ACVR1B: variants seen among roughly 807,000 people sequenced by gnomAD.
ACVR1B encodes the protein activin receptor type-1B.
A neutral mutation model predicts 55.6 loss-of-function variants in ACVR1B; 15 were observed. The observed-to-expected ratio is 0.27, with a 90% CI of 0.18 to 0.42. The LOEUF is 0.42. Ranked by LOEUF, ACVR1B falls within the 10% of genes least tolerant of loss-of-function variation. ACVR1B has a pLI of 1.00. For missense variants in ACVR1B, 359 were observed against 670.1 expected (o/e 0.54, Z 5.13); for synonymous variants, 247 against 254.6 (o/e 0.97, Z 0.28).
At chr12:51,953,916 A>T (rs1173465330) in intron 1 of ACVR1B, among the ~76,000 whole-genome samples, 2 of 152,204 alleles carry the variant, frequency 1.3e-5, no homozygotes, top group Non-Finnish European at 1.5e-5. Flanking sequence ...ATTGGAAATT[A>T]GGTTGTGTGT....
intron 1 of ACVR1B, among the ~76,000 whole-genome samples, chr12:51,972,620 AAT>A (rs1386663546): frequency 6.6e-6 from 1 of 152,220 alleles, no homozygotes; most frequent in East Asian, 1.9e-4. Flanking sequence ...CGAGAAGGTT[AAT>A]ACCTTGCTCA....
In ACVR1B at chr12:51,994,391, G is replaced by T. The variant is rs187097896; in HGVS notation, c.*281G>T. The T allele has an allele frequency of 7.3e-5, 27 of 369,860 alleles. No individual in the cohort carries two copies. The highest frequency in any genetic ancestry group is 1.2e-4 in the East Asian group (2 of 16,380). The allele number at this position is 369,860 out of a possible 1,614,324, so 22.9% of individuals were successfully genotyped here. On this transcript the variant is annotated 3_prime_UTR_variant, in exon 9 of 9. Transcript: ENST00000257963. The surrounding 1 kb of genome is among the most constrained non-coding windows in gnomAD (Gnocchi z 4.2). Reference sequence around the variant, plus strand: ...CGAACTGGTTGTAGTGGGAAGTCCCGCGAAACCCGGTGCATCTGGCACGTG... The same window carrying T: ...CGAACTGGTTGTAGTGGGAAGTCCCTCGAAACCCGGTGCATCTGGCACGTG...
intron 1 of ACVR1B, among the ~76,000 whole-genome samples, chr12:51,956,965 C>T (rs1156549132): frequency 2.6e-5 from 4 of 152,166 alleles, no homozygotes; most frequent in African/African-American, 4.8e-5. Flanking sequence ...GACAGGGTTT[C>T]GACATGTTGC....
In ACVR1B at chr12:51,951,854, G is replaced by A. The variant is rs561454207; in HGVS notation, c.91+20G>A. On this transcript the variant is annotated intron_variant, in intron 1 of 8. Coordinates refer to ENST00000257963, the MANE Select transcript of ACVR1B (RefSeq NM_004302.5). ...TCCAGGGTGAGTCCTGGGACGGGGGGCGGGGGCCGGGATGGAGAGGGCCCG... is the reference window on the plus strand; with the variant it reads ...TCCAGGGTGAGTCCTGGGACGGGGGACGGGGGCCGGGATGGAGAGGGCCCG... 7.2e-6 allele frequency: 9 copies of A among 1,255,198 alleles called. No homozygotes were observed. The highest frequency in any genetic ancestry group is 1.5e-5 in the African/African-American group (1 of 64,970). The allele number at this position is 1,255,198 out of a possible 1,614,324, so 77.8% of individuals were successfully genotyped here.
chr12:51,953,647 T>TA, intron 1 of ACVR1B: 1 of 594,770 alleles, frequency 1.7e-6, no homozygotes, highest in Non-Finnish European at 2.1e-6. Flanking sequence ...TTTATGTGTG[T>TA]ATGTATAAAT....
At chr12:51,952,481 C>T (rs1214494550) in intron 1 of ACVR1B, among the ~76,000 whole-genome samples, 3 of 152,200 alleles carry the variant, frequency 2.0e-5, no homozygotes, top group Admixed American at 1.3e-4. Context: ...CCCCCCTCCG[C>T]CCTCCGGCAC....
intron 1 of ACVR1B, among the ~76,000 whole-genome samples, chr12:51,972,993 CG>C: frequency 6.6e-6 from 1 of 152,270 alleles, no homozygotes; most frequent in South Asian, 2.1e-4. Context: ...CCCCCAGTTC[CG>C]TTCTTCGTCC....
Position 51,994,846 on chromosome 12 carries a change from A to T in ACVR1B, c.*736A>T, listed in dbSNP as rs1201707720. The T allele has an allele frequency of 1.3e-5, 2 of 153,038 alleles. No homozygotes were observed. The highest frequency in any genetic ancestry group is 4.8e-5 in the African/African-American group (2 of 41,396). The allele number at this position is 153,038 out of a possible 1,614,324, so 9.5% of individuals were successfully genotyped here. On this transcript the variant is annotated 3_prime_UTR_variant, in exon 9 of 9. Coordinates refer to ENST00000257963, the MANE Select transcript of ACVR1B (RefSeq NM_004302.5). The surrounding 1 kb of genome is among the most constrained non-coding windows in gnomAD (Gnocchi z 4.2). ...CTGGTGCCTCTTTTCAGTAGTGAGC[A>T]GCATCTAGTTTCCCTGGTGCCCTTC... is the stretch of plus-strand genomic sequence containing the variant.
At chr12:51,956,706 C>T (rs117614347) in intron 1 of ACVR1B, among the ~76,000 whole-genome samples, 55 of 152,280 alleles carry the variant, frequency 3.6e-4, no homozygotes, top group Admixed American at 2.5e-3. Flanking sequence ...TAGGTTCCTG[C>T]GAGCCTCTGG....
rs1592243135 is a variant in ACVR1B at position 51,960,829 on chromosome 12, TTGTC to T, written c.91+8998_91+9001del. Among the ~76,000 whole-genome samples, 3 of 152,354 alleles carry T rather than the reference TTGTC, an allele frequency of 2.0e-5. No homozygotes were observed. In the South Asian group the frequency reaches 6.2e-4, roughly 32 times the overall value. On this transcript the variant is annotated intron_variant, in intron 1 of 8. Coordinates refer to ENST00000257963, the MANE Select transcript of ACVR1B (RefSeq NM_004302.5). ...ATCTAACTTTGGAAATGCACCCTGT[TTGTC>T]TGACCTAGAGGTTGTGTGGCTTCTA... is the stretch of plus-strand genomic sequence containing the variant.
intron 1 of ACVR1B, chr12:51,953,317 C>T: frequency 1.0e-6 from 1 of 984,922 alleles, no homozygotes; most frequent in Non-Finnish European, 1.2e-6. Context: ...AGTTCATTAT[C>T]TCCGGCTTTG....
At chr12:51,982,875 T>C (rs968515897) in intron 4 of ACVR1B, 5 of 1,382,022 alleles carry the variant, frequency 3.6e-6, no homozygotes, top group Non-Finnish European at 9.4e-7. Context: ...TTTAAAAGGA[T>C]CAAATCATGT....
At chr12:51,952,424 G>A (rs962440280) in intron 1 of ACVR1B, among the ~76,000 whole-genome samples, 5 of 152,152 alleles carry the variant, frequency 3.3e-5, no homozygotes, top group African/African-American at 1.2e-4. Flanking sequence ...CTGGGAAAGG[G>A]AGTCACATTT....
At chr12:51,968,243 G>A (rs982184720) in intron 1 of ACVR1B, among the ~76,000 whole-genome samples, 11 of 152,122 alleles carry the variant, frequency 7.2e-5, no homozygotes. Flanking sequence ...CAAAAAAAAA[G>A]AATTATTTCT....
chr12:51,980,977 C>G lies in ACVR1B; in HGVS notation c.589C>G (p.Leu197Val), dbSNP rs761016553. The change falls in exon 4 of 9, where the codon CTC becomes GTC. Residue 197 changes from leucine (L) to valine (V), a missense_variant. Physicochemically the swap from Leu to Val is conservative, Grantham distance 32. This residue lies in a region of ACVR1B where 119 missense variants were observed against 340.2 expected (regional missense o/e 0.35). Coordinates refer to ENST00000257963, the MANE Select transcript of ACVR1B (RefSeq NM_004302.5). ...TATTCTTTGGTTCACAGGGTTACCC[C>G]TCTTTGTCCAGCGCACAGTGGCCCG... ...STSGSGSGLP[L>V]FVQRTVARTI... 1.2e-6 allele frequency: 2 copies of G among 1,607,294 alleles called. No homozygotes were observed. The highest frequency in any genetic ancestry group is 2.2e-5 in the South Asian group (2 of 90,412).
chr12:51,974,817 A>G (rs1035473012), intron 1 of ACVR1B, among the ~76,000 whole-genome samples: 1 of 152,180 alleles, frequency 6.6e-6, no homozygotes, highest in South Asian at 2.1e-4. Flanking sequence ...GTAGGCAGGA[A>G]AAAAGCATTG....
chr12:51,952,305 T>C (rs776625373), intron 1 of ACVR1B, among the ~76,000 whole-genome samples: 1 of 152,128 alleles, frequency 6.6e-6, no homozygotes, highest in South Asian at 2.1e-4. Context: ...GGGAACCTGA[T>C]GTTGAGAGTC....
chr12:51,968,655 T>C (rs1941688464), intron 1 of ACVR1B, among the ~76,000 whole-genome samples: 1 of 152,198 alleles, frequency 6.6e-6, no homozygotes, highest in Admixed American at 6.5e-5. Flanking sequence ...GCTAGGCTGC[T>C]AGAAGGATAC....
At chr12:51,968,500 C>T (rs1464393733) in intron 1 of ACVR1B, among the ~76,000 whole-genome samples, 1 of 152,122 alleles carries the variant, frequency 6.6e-6, no homozygotes, top group Admixed American at 6.5e-5. Flanking sequence ...CTATATTTCC[C>T]ATCCCACATG....
Sources: gnomAD v4.1 joint callset for allele counts (sites outside exome capture counted in the v4.1 genomes callset) on GRCh38, gnomAD v4.1.1 for gene constraint, gnomAD v4.1.1 regional missense constraint, Gnocchi (gnomAD v3.1) non-coding constraint, MANE v1.5 for transcripts, NCBI Gene and HGNC (gene_info 2026-07-23, HGNC 2026-07-21) for gene names.